Variants in FNTB observed in about 807,000 individuals in gnomAD.
The protein encoded by FNTB is protein farnesyltransferase subunit beta.
Under a neutral mutation model 59.4 loss-of-function variants are expected in FNTB, and 27 were observed. That is an observed-to-expected ratio of 0.45 (90% CI 0.34 to 0.63). FNTB has a LOEUF of 0.63. Ranked by LOEUF, FNTB falls within the 20% of genes least tolerant of loss-of-function variation. The pLI is 0.02. For synonymous variants in FNTB, 230 were observed against 220.7 expected (o/e 1.04, Z -0.37); for missense variants, 449 against 559.6 (o/e 0.80, Z 1.99).
rs1377662300 is a variant in FNTB, at chr14:65,029,147, C to T, written c.605+1366C>T. 6.6e-6 allele frequency among the ~76,000 whole-genome samples: 1 copy of T among 152,216 alleles called. No individual in the cohort carries two copies. Among genetic ancestry groups the T allele is most frequent in the African/African-American group, 2.4e-5 (1 of 41,452 alleles). ...TGACCTTTGCTCTTTGGGTGATGCT[C>T]TGCCATTCGTGCCCGTGCTTTCTAT... On this transcript the variant is annotated intron_variant, in intron 6 of 11. Coordinates refer to ENST00000246166, the MANE Select transcript of FNTB (RefSeq NM_002028.4). This position sits in a 1 kb window ranked among gnomAD's most constrained non-coding sequence, Gnocchi z 4.7.
At chr14:65,003,497 G>C (rs2061541619) in intron 1 of FNTB, 1 of 152,002 alleles carries the variant, frequency 6.6e-6, no homozygotes, top group Admixed American at 6.6e-5. Context: ...GGTAACAAAA[G>C]AAAAACAAGC....
At chr14:65,004,512 C>G (rs951604490) in intron 2 of FNTB, among the ~76,000 whole-genome samples, 199 bp downstream of exon 2, 3 of 152,208 alleles carry the variant, frequency 2.0e-5, no homozygotes, top group Non-Finnish European at 4.4e-5. Context: ...ATTCTCCACT[C>G]GAGCTGAGCT....
At chr14:65,015,518 C>T in intron 3 of FNTB, 107 bp from the exon 4 acceptor site, 4 of 1,070,640 alleles carry the variant, frequency 3.7e-6, no homozygotes, top group Non-Finnish European at 5.4e-6. Flanking sequence ...CAAGGGTGCC[C>T]TCCTCCCCCT....
chr14:65,050,789 T>G (rs2062589271), intron 9 of FNTB, among the ~76,000 whole-genome samples: 1 of 152,258 alleles, frequency 6.6e-6, no homozygotes, highest in Non-Finnish European at 1.5e-5. Flanking sequence ...TATCAGTATC[T>G]ATTAAAAGCC....
intron 8 of FNTB, 69 bp downstream of exon 8, chr14:65,040,988 C>T: frequency 1.3e-6 from 2 of 1,580,774 alleles, no homozygotes; most frequent in South Asian, 1.1e-5. Context: ...CTCAGACATG[C>T]AGGCTTCAGG....
chr14:65,032,486 C>T lies in FNTB; in HGVS notation c.606-124C>T. On this transcript the variant is annotated intron_variant, in intron 6 of 11. Coordinates refer to ENST00000246166, the MANE Select transcript of FNTB (RefSeq NM_002028.4). The surrounding 1 kb of genome is among the most constrained non-coding windows in gnomAD (Gnocchi z 5.0). ...AGACCCAGGAGGACTGACCGTGTGC[C>T]AAGAGTGAGGACAGGAGGTGATTAC... 1.0e-6 allele frequency: 1 copy of T among 985,754 alleles called. No homozygotes were observed. Among genetic ancestry groups the T allele is most frequent in the Non-Finnish European group, 1.4e-6 (1 of 692,572 alleles). The allele number at this position is 985,754 out of a possible 1,614,324, so 61.1% of individuals were successfully genotyped here.
intron 9 of FNTB, among the ~76,000 whole-genome samples, chr14:65,051,013 T>A (rs931895985): frequency 6.6e-6 from 1 of 152,224 alleles, no homozygotes; most frequent in Non-Finnish European, 1.5e-5. Flanking sequence ...TCACTGTGCT[T>A]ACAGGTGAGG....
At chr14:64,992,505 G>C (rs1888238520) in intron 1 of FNTB, among the ~76,000 whole-genome samples, 1 of 152,146 alleles carries the variant, frequency 6.6e-6, no homozygotes, top group Non-Finnish European at 1.5e-5. Flanking sequence ...TTTTGAGTCA[G>C]CCAATGTGGA....
intron 2 of FNTB, among the ~76,000 whole-genome samples, chr14:65,010,680 C>T (rs1467679300): frequency 2.6e-5 from 4 of 152,216 alleles, no homozygotes; most frequent in African/African-American, 7.2e-5. Flanking sequence ...CAAAAACCTT[C>T]AGGACTTCCC....
chr14:65,002,598 C>G (rs1313689112), intron 1 of FNTB, among the ~76,000 whole-genome samples: 1 of 151,552 alleles, frequency 6.6e-6, no homozygotes, highest in Non-Finnish European at 1.5e-5. Flanking sequence ...GACAGAGACT[C>G]CGTCTCAAAA....
chr14:64,996,757 TGCTAACA>T (rs1888409852), intron 1 of FNTB, among the ~76,000 whole-genome samples: 1 of 150,100 alleles, frequency 6.7e-6, no homozygotes, highest in Non-Finnish European at 1.5e-5. Flanking sequence ...AATTAACATT[TGCTAACA>T]TCTTTTTTTT....
Position 65,061,333 on chromosome 14 carries a change from T to G in FNTB, c.*21T>G. On this transcript the variant is annotated 3_prime_UTR_variant, in exon 12 of 12. Transcript: ENST00000246166. ...ACTAGAGGACCTGGGTCCCGGCAGC[T>G]CTTTGCTCACCCATCTCCCCAGTCA... 1 of 1,612,980 alleles carries G rather than the reference T, an allele frequency of 6.2e-7. No homozygotes were observed.
chr14:64,988,348 C>G (rs916267738), intron 1 of FNTB, among the ~76,000 whole-genome samples: 1 of 151,970 alleles, frequency 6.6e-6, no homozygotes, highest in South Asian at 2.1e-4. Flanking sequence ...GATGAAAAAC[C>G]TACAGGATCT....
chr14:65,047,148 A>G lies in FNTB; in HGVS notation c.955+2705A>G, dbSNP rs1213426849. 6.6e-6 allele frequency among the ~76,000 whole-genome samples: 1 copy of G among 152,220 alleles called. No homozygotes were observed. Among genetic ancestry groups the G allele is most frequent in the African/African-American group, 2.4e-5 (1 of 41,464 alleles). ...TTTTTCTACTACAACTGCCACTACT[A>G]CTGGTAGCGGAGTCTTCCCAAGCCC... is the stretch of plus-strand genomic sequence containing the variant. On this transcript the variant is annotated intron_variant, in intron 9 of 11. Coordinates refer to ENST00000246166, the MANE Select transcript of FNTB (RefSeq NM_002028.4). This position sits in a 1 kb window ranked among gnomAD's most constrained non-coding sequence, Gnocchi z 5.2.
intron 4 of FNTB, among the ~76,000 whole-genome samples, chr14:65,018,406 TA>T (rs2061820468): frequency 6.6e-6 from 1 of 152,180 alleles, no homozygotes; most frequent in Admixed American, 6.5e-5. Flanking sequence ...GAAAATAGTT[TA>T]AAAGATTTAA....
At chr14:65,049,505 G>A (rs2139662272) in intron 9 of FNTB, among the ~76,000 whole-genome samples, 1 of 152,272 alleles carries the variant, frequency 6.6e-6, no homozygotes, top group Middle Eastern at 3.4e-3. Context: ...TCATCTTGTT[G>A]TGATTATGTG....
intron 1 of FNTB, among the ~76,000 whole-genome samples, chr14:64,995,034 G>A (rs1234329784): frequency 1.3e-5 from 2 of 152,086 alleles, no homozygotes; most frequent in Admixed American, 6.5e-5. Flanking sequence ...TATTCTGTAA[G>A]CTGTTTTCTA....
At position 65,054,696 on chromosome 14, in the gene FNTB, C is replaced by T. The variant is rs190908100; in HGVS notation, c.1182+7C>T. ...TGTGCCCGAAAACGCTCTGGTAAGA[C>T]GGGTGCAGGGCTTCACACCCCTTCT... On this transcript the variant is annotated splice_region_variant and intron_variant, in intron 11 of 11. Coordinates refer to ENST00000246166, the MANE Select transcript of FNTB (RefSeq NM_002028.4). The surrounding 1 kb of genome is among the most constrained non-coding windows in gnomAD (Gnocchi z 4.4). 1.1e-5 allele frequency: 17 copies of T among 1,601,420 alleles called. No homozygotes were observed. The highest frequency in any genetic ancestry group is 6.8e-5 in the East Asian group (3 of 43,978).
intron 9 of FNTB, among the ~76,000 whole-genome samples, chr14:65,051,643 G>A (rs1285598243): frequency 6.6e-6 from 1 of 151,764 alleles, no homozygotes; most frequent in Non-Finnish European, 1.5e-5. Context: ...ATATTCAACA[G>A]TTTAATATTT....
Sources: allele counts gnomAD v4.1 joint callset (sites outside exome capture counted in the v4.1 genomes callset), GRCh38; gene constraint gnomAD v4.1.1; non-coding constraint Gnocchi (gnomAD v3.1); transcripts MANE v1.5; gene names NCBI Gene and HGNC (gene_info 2026-07-23, HGNC 2026-07-21).